Variants in FOXN3 observed in about 807,000 individuals in gnomAD.
FOXN3 encodes the protein forkhead box N3, also known as forkhead box protein N3.
Under a neutral mutation model 38.4 loss-of-function variants are expected in FOXN3, and 7 were observed. That is an observed-to-expected ratio of 0.18 (90% CI 0.10 to 0.34). The LOEUF (loss-of-function observed/expected upper bound fraction) is 0.34, where lower values mean the gene tolerates loss of function less well. FOXN3 is among the 10% of genes least tolerant of loss of function. The probability of loss-of-function intolerance (pLI) is 1.00; values close to 1 mark genes in which losing one functional copy is unlikely to be tolerated. For missense variants in FOXN3, 456 were observed against 613.4 expected (o/e 0.74, Z 2.71); for synonymous variants, 230 against 242.2 (o/e 0.95, Z 0.47).
chr14:89,587,083 A>G (rs1895856394), intron 1 of FOXN3, among the ~76,000 whole-genome samples: 1 of 152,244 alleles, frequency 6.6e-6, no homozygotes. Flanking sequence ...AGACCCAGGG[A>G]AGAGCTGATG....
chr14:89,451,203 T>C (rs1166576732), intron 1 of FOXN3, among the ~76,000 whole-genome samples: 1 of 152,190 alleles, frequency 6.6e-6, no homozygotes, highest in Admixed American at 6.5e-5. Context: ...TAGCTGTCTC[T>C]CATTTTGCTA....
intron 4 of FOXN3, among the ~76,000 whole-genome samples, chr14:89,200,136 T>A (rs1888199667): frequency 6.6e-6 from 1 of 152,050 alleles, no homozygotes; most frequent in Non-Finnish European, 1.5e-5. Flanking sequence ...TACATTTCAT[T>A]GGGGGTACTC....
At chr14:89,191,980 AAT>A (rs1887961015) in intron 4 of FOXN3, among the ~76,000 whole-genome samples, 2 of 144,840 alleles carry the variant, frequency 1.4e-5, no homozygotes, top group South Asian at 4.2e-4. Flanking sequence ...ATATAACTAT[AAT>A]ATATAATATA....
chr14:89,353,340 G>GAA (rs1337667725), intron 2 of FOXN3: 1 of 152,172 alleles, frequency 6.6e-6, no homozygotes, highest in Non-Finnish European at 1.5e-5. Context: ...GAAAGACAAT[G>GAA]AAACTGGCTT....
chr14:89,605,824 T>C (rs1359755912), intron 1 of FOXN3, among the ~76,000 whole-genome samples: 1 of 151,922 alleles, frequency 6.6e-6, no homozygotes, highest in Non-Finnish European at 1.5e-5. Context: ...CAAACAGAAA[T>C]TAAAAAGAGG....
rs550362237 is a variant in FOXN3, at chr14:89,533,524, A to G, written c.-15+85504T>C. ...TAAAAATACAGAAAATTAGCCGGGC[A>G]TGGTGGCGGGGGCCTGTAGCCCGGC... is the stretch of plus-strand genomic sequence containing the variant. On this transcript the variant is annotated intron_variant, in intron 1 of 6. Transcript: ENST00000345097. Among the ~76,000 whole-genome samples the G allele has an allele frequency of 2.5e-3, 377 of 152,222 alleles. 2 individuals carry two copies. Among genetic ancestry groups the G allele is most frequent in the African/African-American group, 8.5e-3 (354 of 41,560 alleles).
intron 1 of FOXN3, among the ~76,000 whole-genome samples, chr14:89,519,991 T>A (rs1200406289): frequency 1.3e-5 from 2 of 151,000 alleles, no homozygotes; most frequent in Non-Finnish European, 2.9e-5. Context: ...AATGTCTGGG[T>A]TTTTCTTTTC....
chr14:89,448,869 G>C (rs1200847963), intron 1 of FOXN3, among the ~76,000 whole-genome samples: 1 of 151,968 alleles, frequency 6.6e-6, no homozygotes, highest in Non-Finnish European at 1.5e-5. Context: ...TTGAGCCTGG[G>C]AAGTCAAGGC....
intron 3 of FOXN3, among the ~76,000 whole-genome samples, chr14:89,324,446 G>A (rs1358771659): frequency 7.1e-4 from 5 of 7,026 alleles, no homozygotes; most frequent in East Asian, 2.6e-3. Context: ...GTGTGTGCGT[G>A]TGTGTGTGTG....
chr14:89,410,767 G>A (rs1194174485), intron 2 of FOXN3, among the ~76,000 whole-genome samples: 3 of 151,812 alleles, frequency 2.0e-5, no homozygotes, highest in Non-Finnish European at 4.4e-5. Context: ...CAGCTTGTTC[G>A]AAGGCTGAGA....
At chr14:89,549,972 C>T (rs1490366808) in intron 1 of FOXN3, among the ~76,000 whole-genome samples, 1 of 152,192 alleles carries the variant, frequency 6.6e-6, no homozygotes, top group Non-Finnish European at 1.5e-5. Flanking sequence ...TCCTTCAGTG[C>T]GATGCCTGTG....
chr14:89,553,280 A>T (rs1446250972), intron 1 of FOXN3, among the ~76,000 whole-genome samples: 1 of 145,586 alleles, frequency 6.9e-6, no homozygotes, highest in African/African-American at 2.5e-5. Context: ...TCAAGAAATT[A>T]TTTCTGGTGT....
intron 1 of FOXN3, among the ~76,000 whole-genome samples, chr14:89,498,195 T>TCC (rs1893724261): frequency 7.3e-6 from 1 of 137,898 alleles, no homozygotes; most frequent in Non-Finnish European, 1.5e-5. Flanking sequence ...TCTGGCTGCT[T>TCC]CTCTCTCTCT....
chr14:89,161,041 A>T lies in FOXN3; in HGVS notation c.*1373T>A. 1 of 152,384 alleles carries T rather than the reference A, an allele frequency of 6.6e-6. No homozygotes were observed. The allele number at this position is 152,384 out of a possible 1,614,324, so 9.4% of individuals were successfully genotyped here. A position where few individuals can be genotyped will look rare whatever the true frequency, so the allele number is the denominator to read the frequency against. ...TCTCTATTTTCTATATTTATATGAA[A>T]ATAATTCATGCTTCATGCTAAATAC... On this transcript the variant is annotated 3_prime_UTR_variant, in exon 6 of 6. Transcript: ENST00000557258.
At chr14:89,435,346 T>G (rs1892254331) in intron 1 of FOXN3, among the ~76,000 whole-genome samples, 1 of 147,988 alleles carries the variant, frequency 6.8e-6, no homozygotes, top group African/African-American at 2.5e-5. Context: ...CACTCCAGCC[T>G]GGGTGACACA....
At chr14:89,387,037 A>C (rs1162535042) in intron 2 of FOXN3, among the ~76,000 whole-genome samples, 2 of 152,166 alleles carry the variant, frequency 1.3e-5, no homozygotes, top group African/African-American at 4.8e-5. Context: ...CAGGTGGATC[A>C]CTTGAGGTCA....
At chr14:89,290,615 T>C in intron 3 of FOXN3, 3 of 521,360 alleles carry the variant, frequency 5.8e-6, no homozygotes, top group Admixed American at 2.3e-5. Context: ...CTTGGTACTC[T>C]GCTCTCCATT....
chr14:89,417,712 A>G (rs1310520465), upstream of FOXN3: 1 of 455,780 alleles, frequency 2.2e-6, no homozygotes, highest in East Asian at 6.9e-5. Flanking sequence ...AGAAGAGGAG[A>G]TTCCACGTCT....
chr14:89,511,381 C>A (rs1430506712), intron 1 of FOXN3, among the ~76,000 whole-genome samples: 1 of 150,392 alleles, frequency 6.6e-6, no homozygotes, highest in Non-Finnish European at 1.5e-5. Context: ...GCAGCCTCAA[C>A]CTCTGGGCTC....
Sources: allele counts gnomAD v4.1 joint callset (sites outside exome capture counted in the v4.1 genomes callset), GRCh38; gene constraint gnomAD v4.1.1; transcripts MANE v1.5; gene names NCBI Gene and HGNC (gene_info 2026-07-23, HGNC 2026-07-21).